PHF24: variants seen among roughly 807,000 people sequenced by gnomAD.
PHF24 encodes the protein PHD finger protein 24, also known as Galpha inhibitory interacting protein.
Under a neutral mutation model 42.6 loss-of-function variants are expected in PHF24, and 25 were observed. The observed-to-expected ratio is 0.59, with a 90% CI of 0.43 to 0.82. The LOEUF (loss-of-function observed/expected upper bound fraction) is 0.82, where lower values mean the gene tolerates loss of function less well. Among genes scored for constraint, PHF24 ranks in the 40% least tolerant of loss-of-function variants. PHF24 has a pLI of 0.00. For missense variants in PHF24, 470 were observed against 538.1 expected, an observed-to-expected ratio of 0.87 and a Z score of 1.25; for synonymous variants, 185 against 204.8, an observed-to-expected ratio of 0.90 and a Z score of 0.83.
chr9:34,728,774 TAC>T, the PHF24 span: 66 of 919,318 alleles, frequency 7.2e-5, no homozygotes, highest in Non-Finnish European at 1.0e-4. Flanking sequence ...CTGTATTTTA[TAC>T]ACTCTCCTGG....
chr9:34,727,878 ACCC>A, the PHF24 span: 1 of 707,072 alleles, frequency 1.4e-6, no homozygotes, highest in South Asian at 2.0e-5. Flanking sequence ...TTCCCTGGCA[ACCC>A]TCTCACCCAG....
chr9:34,909,182 T>C, the PHF24 span, among the ~76,000 whole-genome samples: 1 of 152,190 alleles, frequency 6.6e-6, no homozygotes, highest in Non-Finnish European at 1.5e-5. Context: ...GGTCTCACTA[T>C]GTTGACTAGG....
the PHF24 span, among the ~76,000 whole-genome samples, chr9:34,847,190 C>A: frequency 0.016 from 2,461 of 152,236 alleles, 32 homozygotes; most frequent in Non-Finnish European, 0.026. Context: ...TTACCTTGGG[C>A]AGTATGGCCA....
the PHF24 span, among the ~76,000 whole-genome samples, chr9:34,760,098 G>A: frequency 3.9e-5 from 6 of 152,188 alleles, no homozygotes; most frequent in African/African-American, 7.2e-5. Context: ...AACAGCAAAC[G>A]ACGGGGATGA....
At chr9:34,679,682 T>C in the PHF24 span, among the ~76,000 whole-genome samples, 1 of 152,188 alleles carries the variant, frequency 6.6e-6, no homozygotes, top group African/African-American at 2.4e-5. Context: ...GGCTCTGCAC[T>C]CTAGCCTGGT....
the PHF24 span, among the ~76,000 whole-genome samples, chr9:34,746,325 A>G: frequency 1.3e-5 from 2 of 152,354 alleles, no homozygotes; most frequent in South Asian, 2.1e-4. Context: ...GCTACCAGCC[A>G]TGAGATACCA....
chr9:34,923,598 T>C, the PHF24 span, among the ~76,000 whole-genome samples: 2 of 152,156 alleles, frequency 1.3e-5, no homozygotes, highest in South Asian at 2.1e-4. Flanking sequence ...TCTAGGTTTT[T>C]CAATTTATTG....
the PHF24 span, among the ~76,000 whole-genome samples, chr9:34,887,186 G>T: frequency 6.6e-6 from 1 of 152,046 alleles, no homozygotes; most frequent in Admixed American, 6.5e-5. Context: ...CCTTCAAAGT[G>T]AACCCAGCAT....
the PHF24 span, among the ~76,000 whole-genome samples, chr9:34,694,159 C>CTTTTTTT: frequency 9.1e-3 from 604 of 66,208 alleles, 25 homozygotes; most frequent in Middle Eastern, 0.029. Context: ...TATCTCTATT[C>CTTTTTTT]TTTTTTTTTT....
chr9:34,936,148 C>T, the PHF24 span, among the ~76,000 whole-genome samples: 1 of 152,006 alleles, frequency 6.6e-6, no homozygotes. Context: ...GCCGCCATCT[C>T]GGCTCACTGC....
upstream of PHF24, among the ~76,000 whole-genome samples, chr9:34,957,997 C>G (rs1038380424): frequency 5.3e-5 from 8 of 151,286 alleles, no homozygotes; most frequent in Non-Finnish European, 1.0e-4. Flanking sequence ...CCACGGGCAC[C>G]TGGGCCGTCT....
the PHF24 span, among the ~76,000 whole-genome samples, chr9:34,853,527 A>G: frequency 6.6e-6 from 1 of 152,174 alleles, no homozygotes; most frequent in Non-Finnish European, 1.5e-5. Context: ...GAATAGATTC[A>G]ATAGAAATGG....
At chr9:34,806,557 C>T in the PHF24 span, among the ~76,000 whole-genome samples, 1 of 152,124 alleles carries the variant, frequency 6.6e-6, no homozygotes, top group Non-Finnish European at 1.5e-5. Context: ...CTCCTGGGTT[C>T]AAGCAATTCT....
At chr9:34,896,476 C>T in the PHF24 span, among the ~76,000 whole-genome samples, 165 of 152,274 alleles carry the variant, frequency 1.1e-3, 1 homozygote, top group Admixed American at 2.2e-3. Context: ...GAATGAGGCT[C>T]ACTTCTGGAG....
the PHF24 span, chr9:34,834,142 C>G: frequency 6.5e-7 from 1 of 1,533,846 alleles, no homozygotes; most frequent in Non-Finnish European, 8.8e-7. Context: ...GTACCAGGAA[C>G]TGGCTTTCTG....
chr9:34,711,668 G>T, the PHF24 span, among the ~76,000 whole-genome samples: 2 of 151,328 alleles, frequency 1.3e-5, no homozygotes, highest in Non-Finnish European at 2.9e-5. Context: ...TCAGCCTCCC[G>T]AGTAACTGGG....
chr9:34,848,333 G>A, the PHF24 span, among the ~76,000 whole-genome samples: 1 of 151,562 alleles, frequency 6.6e-6, no homozygotes, highest in Non-Finnish European at 1.5e-5. Flanking sequence ...TCTTGGGAGG[G>A]TGTATGTGTC....
At chr9:34,806,412 G>A in the PHF24 span, among the ~76,000 whole-genome samples, 1 of 152,222 alleles carries the variant, frequency 6.6e-6, no homozygotes, top group South Asian at 2.1e-4. Flanking sequence ...GTAGTTTTCA[G>A]AGTAAAAGTT....
At chr9:34,726,794 A>G in the PHF24 span, 3 of 1,551,456 alleles carry the variant, frequency 1.9e-6, no homozygotes, top group South Asian at 3.6e-5. Flanking sequence ...ACTCTGATCT[A>G]AAGACATACT....
Sources: allele counts gnomAD v4.1 joint callset (sites outside exome capture counted in the v4.1 genomes callset), GRCh38; gene constraint gnomAD v4.1.1; transcripts MANE v1.5; gene names NCBI Gene and HGNC (gene_info 2026-07-23, HGNC 2026-07-21).